Variants in PRMT8 observed in about 807,000 individuals in gnomAD.
PRMT8 encodes the protein protein arginine methyltransferase 8.
A neutral mutation model predicts 47.1 loss-of-function variants in PRMT8; 7 were observed. That is an observed-to-expected ratio of 0.15 (90% CI 0.08 to 0.28). The LOEUF (loss-of-function observed/expected upper bound fraction) is 0.28. PRMT8 is among the 10% of genes least tolerant of loss of function. The pLI is 1.00. For synonymous variants in PRMT8, 188 were observed against 186.5 expected, an observed-to-expected ratio of 1.01 and a Z score of -0.07; for missense variants, 237 against 505.4, an observed-to-expected ratio of 0.47 and a Z score of 5.09.
At chr12:3,429,718 T>G (rs1565405516) in intron 1 of PRMT8, among the ~76,000 whole-genome samples, 1 of 152,214 alleles carries the variant, frequency 6.6e-6, no homozygotes, top group African/African-American at 2.4e-5. Context: ...AAGTTTCAGA[T>G]GTCTGGACTC....
chr12:3,415,819 G>A (rs934279312), intron 1 of PRMT8, among the ~76,000 whole-genome samples: 1 of 152,178 alleles, frequency 6.6e-6, no homozygotes, highest in African/African-American at 2.4e-5. Flanking sequence ...GCTTGCCATC[G>A]AGTTAGTGAC....
intron 1 of PRMT8, among the ~76,000 whole-genome samples, chr12:3,387,396 T>C (rs1351559807): frequency 6.6e-6 from 1 of 152,244 alleles, no homozygotes; most frequent in Non-Finnish European, 1.5e-5. Flanking sequence ...TTATTATGTG[T>C]ATACTTTATC....
chr12:3,475,037 C>T (rs541717745), intron 1 of PRMT8, among the ~76,000 whole-genome samples: 1 of 152,326 alleles, frequency 6.6e-6, no homozygotes, highest in South Asian at 2.1e-4. Flanking sequence ...TGAGGGCAGG[C>T]TCCTAGCAGC....
At chr12:3,498,189 A>G (rs1190756173) in intron 1 of PRMT8, among the ~76,000 whole-genome samples, 1 of 152,244 alleles carries the variant, frequency 6.6e-6, no homozygotes, top group Non-Finnish European at 1.5e-5. Flanking sequence ...GTATGGATTA[A>G]TAAACTGAAG....
At chr12:3,520,265 G>T (rs1209448426) in intron 1 of PRMT8, among the ~76,000 whole-genome samples, 2 of 152,242 alleles carry the variant, frequency 1.3e-5, no homozygotes, top group East Asian at 3.9e-4. Flanking sequence ...TCAAAGCAAA[G>T]AAAAGGAAAG....
chr12:3,470,614 C>T (rs1254500065), intron 1 of PRMT8, among the ~76,000 whole-genome samples: 1 of 151,308 alleles, frequency 6.6e-6, no homozygotes, highest in Non-Finnish European at 1.5e-5. Context: ...GGGAAACCTC[C>T]TTCCTGGAAC....
chr12:3,540,633 C>CCCCCCCCCCCCG lies in PRMT8; in HGVS notation c.103_104insCCCCCCCCCCCG (p.Gln35delinsProProProProGlu). On this transcript the variant is annotated protein_altering_variant, in exon 2 of 10. Transcript: ENST00000382622. Reference sequence around the variant, plus strand: ...GAACAGCCCCCCCTCCCAGCCCCCCCAGCCCGTCGTCCCTGCTAAGCCCGT... The same window carrying CCCCCCCCCCCCG: ...GAACAGCCCCCCCTCCCAGCCCCCCCCCCCCCCCCCCGAGCCCGTCGTCCCTGCTAAGCCCGT... 2.6e-6 allele frequency: 4 copies of CCCCCCCCCCCCG among 1,553,180 alleles called. No individual in the cohort carries two copies. The highest frequency in any genetic ancestry group is 3.5e-6 in the Non-Finnish European group (4 of 1,127,212).
intron 1 of PRMT8, among the ~76,000 whole-genome samples, chr12:3,498,176 A>G (rs7310747): frequency 0.98 from 149,963 of 152,326 alleles, 73,866 homozygotes; most frequent in South Asian, 1. Context: ...ATATATCCCC[A>G]TTGTATGGAT....
intron 6 of PRMT8, among the ~76,000 whole-genome samples, chr12:3,574,537 T>C (rs868574296): frequency 2.0e-5 from 3 of 152,282 alleles, no homozygotes; most frequent in Non-Finnish European, 4.4e-5. Flanking sequence ...ACAGCTTGCA[T>C]GGCAGCAAAG....
chr12:3,460,637 G>T (rs1212839216), intron 1 of PRMT8, among the ~76,000 whole-genome samples: 1 of 152,166 alleles, frequency 6.6e-6, no homozygotes, highest in South Asian at 2.1e-4. Flanking sequence ...TAGGCTTAGT[G>T]TATTACCCAA....
chr12:3,428,340 A>T (rs1864629776), intron 1 of PRMT8, among the ~76,000 whole-genome samples: 1 of 150,892 alleles, frequency 6.6e-6, no homozygotes, highest in African/African-American at 2.4e-5. Context: ...CCCTTAAGAT[A>T]CTTCTGAACT....
chr12:3,387,998 C>T (rs535765605), intron 1 of PRMT8, among the ~76,000 whole-genome samples: 2 of 152,060 alleles, frequency 1.3e-5, no homozygotes, highest in South Asian at 4.2e-4. Context: ...TCAAATTTGC[C>T]TTATTTCCTC....
chr12:3,449,363 A>C (rs1182191970), intron 1 of PRMT8, among the ~76,000 whole-genome samples: 2 of 152,224 alleles, frequency 1.3e-5, no homozygotes, highest in Non-Finnish European at 2.9e-5. Flanking sequence ...ACAGTGTAAA[A>C]AAGTTCCTAT....
intron 2 of PRMT8, among the ~76,000 whole-genome samples, chr12:3,541,925 C>T (rs1012009559): frequency 5.9e-5 from 9 of 152,300 alleles, no homozygotes; most frequent in South Asian, 4.1e-4. Context: ...TCATCCTTGA[C>T]GGTTTTTTTG....
intron 2 of PRMT8, among the ~76,000 whole-genome samples, chr12:3,544,677 G>A (rs1211546147): frequency 2.6e-5 from 4 of 152,300 alleles, no homozygotes; most frequent in South Asian, 2.1e-4. Context: ...GTGATGAGGC[G>A]GTTCTGGCCC....
intron 4 of PRMT8, among the ~76,000 whole-genome samples, chr12:3,559,081 C>T (rs1343461595): frequency 6.6e-6 from 1 of 152,150 alleles, no homozygotes; most frequent in Admixed American, 6.5e-5. Flanking sequence ...AGCCAGCGTT[C>T]ATCCATCTAC....
chr12:3,541,337 A>C lies in PRMT8; in HGVS notation c.261+546A>C, dbSNP rs567778163. On this transcript the variant is annotated intron_variant, in intron 2 of 9. Transcript: ENST00000382622. The stretch of plus-strand genomic sequence containing the variant: ...GCCAGTTTACCCCATAGCAGGGAAG[A>C]CTAATGTTGACTATGGAACAGAACA... Among the ~76,000 whole-genome samples the C allele has an allele frequency of 2.8e-3, 433 of 152,296 alleles. 1 individual carries two copies. The highest frequency in any genetic ancestry group is 5.2e-3 in the Non-Finnish European group (353 of 68,028).
intron 1 of PRMT8, among the ~76,000 whole-genome samples, chr12:3,384,622 C>G (rs2137042366): frequency 6.6e-6 from 1 of 152,194 alleles, no homozygotes; most frequent in East Asian, 1.9e-4. Flanking sequence ...CCAGGTGCCG[C>G]TAGTAGGGGA....
intron 1 of PRMT8, among the ~76,000 whole-genome samples, chr12:3,449,968 C>A (rs1470439386): frequency 6.6e-6 from 1 of 152,160 alleles, no homozygotes; most frequent in Non-Finnish European, 1.5e-5. Flanking sequence ...CTCCCATCAC[C>A]ATTTATTAAA....
Sources: allele counts gnomAD v4.1 joint callset (sites outside exome capture counted in the v4.1 genomes callset), GRCh38; gene constraint gnomAD v4.1.1; transcripts MANE v1.5; gene names NCBI Gene and HGNC (gene_info 2026-07-23, HGNC 2026-07-21).